The following ERCC6 variants were observed in gnomAD, a reference collection of about 807,000 sequenced individuals.
The protein encoded by ERCC6 is DNA excision repair protein ERCC-6.
In ERCC6, 116 loss-of-function variants were observed where a neutral mutation model predicts 158.7. The ratio of observed to expected loss-of-function variants is 0.73; its 90% CI spans 0.63 to 0.85. The LOEUF is 0.85. Ranked by LOEUF, ERCC6 falls within the 40% of genes least tolerant of loss-of-function variation. The pLI, the probability that ERCC6 is intolerant of heterozygous loss-of-function variation, is 0.00. For synonymous variants in ERCC6, 678 were observed against 659.3 expected (o/e 1.03, Z -0.43); for missense variants, 1,698 against 1,799.4 (o/e 0.94, Z 1.02).
In ERCC6 at chr10:49,455,112, T is replaced by A. The variant is rs1020511276; in HGVS notation, c.*3703A>T. Among the ~76,000 whole-genome samples, 6 of 152,262 alleles carry A rather than the reference T, an allele frequency of 3.9e-5. No homozygotes were observed. Among genetic ancestry groups the A allele is most frequent in the African/African-American group, 1.4e-4 (6 of 41,562 alleles). ...TGATAAACATCACAAAATAGATATG[T>A]GAATATGCTAATTCTCCATATTTTT... On this transcript the variant is annotated 3_prime_UTR_variant, in exon 21 of 21. Transcript: ENST00000355832.
intron 8 of ERCC6, 87 bp downstream of exon 8, chr10:49,493,030 T>G: frequency 5.8e-6 from 8 of 1,380,028 alleles, no homozygotes; most frequent in South Asian, 1.2e-5. Context: ...AATATACATT[T>G]GAGAAACACA....
At chr10:49,528,371 A>ATGAT in intron 4 of ERCC6, 46 bp downstream of exon 4, 1 of 1,601,640 alleles carries the variant, frequency 6.2e-7, no homozygotes, top group Non-Finnish European at 8.6e-7. Context: ...TACAGGCATC[A>ATGAT]GGCATCAATT....
At position 49,459,261 on chromosome 10, in the gene ERCC6, T is replaced by C. The variant is rs752925338; in HGVS notation, c.4063-27A>G. On this transcript the variant is annotated intron_variant, in intron 20 of 20. Coordinates refer to ENST00000355832, the MANE Select transcript of ERCC6 (RefSeq NM_000124.4). ...TATAAAAAGAAGACCACTATACTGA[T>C]ATATTTAATTTCTAGTTTATGCCCC... 1.1e-5 allele frequency: 18 copies of C among 1,610,536 alleles called. No homozygotes were observed. The Admixed American group carries it at 3.0e-4, about 27-fold the overall frequency.
chr10:49,516,786 ATTT>A, intron 5 of ERCC6: 2 of 1,614,098 alleles, frequency 1.2e-6, no homozygotes, highest in Non-Finnish European at 1.7e-6. Flanking sequence ...TTTGCAAAGA[ATTT>A]TTGTCATTTT....
intron 12 of ERCC6, among the ~76,000 whole-genome samples, chr10:49,475,865 C>G (rs1326098199): frequency 6.6e-6 from 1 of 152,144 alleles, no homozygotes; most frequent in Non-Finnish European, 1.5e-5. Flanking sequence ...ATATATAATT[C>G]TGGTCATAAT....
the ERCC6 span, among the ~76,000 whole-genome samples, chr10:49,444,709 A>G: frequency 1.3e-5 from 2 of 152,246 alleles, no homozygotes; most frequent in Non-Finnish European, 2.9e-5. Flanking sequence ...CAAGTAGTCT[A>G]TGAAATGTGC....
intron 12 of ERCC6, chr10:49,475,230 G>T (rs1486318484): frequency 6.6e-6 from 2 of 302,866 alleles, no homozygotes; most frequent in Non-Finnish European, 1.3e-5. Flanking sequence ...GAACAAAAAA[G>T]GAGTAAAATA....
At position 49,516,941 on chromosome 10, in the gene ERCC6, C is replaced by T. The variant is rs1399080278; in HGVS notation, c.1397+7092G>A. ...CTTGAATAAGATACGCAGCTGTGTG[C>T]AACAAAGAACCTGGCAGATTATTTA... is the stretch of plus-strand genomic sequence containing the variant. On this transcript the variant is annotated intron_variant, in intron 5 of 20. Coordinates refer to ENST00000355832, the MANE Select transcript of ERCC6 (RefSeq NM_000124.4). 2.7e-5 allele frequency: 44 copies of T among 1,613,928 alleles called. No individual in the cohort carries two copies. The East Asian group carries it at 9.4e-4, about 34-fold the overall frequency.
intron 1 of ERCC6, among the ~76,000 whole-genome samples, chr10:49,538,425 G>A (rs916776156): frequency 1.3e-5 from 2 of 152,206 alleles, no homozygotes; most frequent in Non-Finnish European, 2.9e-5. Flanking sequence ...TGGATTGGAG[G>A]AGACAAAGCA....
intron 4 of ERCC6, chr10:49,525,283 T>G (rs1036706433): frequency 6.3e-6 from 1 of 159,622 alleles, no homozygotes; most frequent in Non-Finnish European, 1.4e-5. Flanking sequence ...CAGTTACCAG[T>G]CACCTGCAGC....
chr10:49,524,537 G>GT lies in ERCC6; in HGVS notation c.892_893insA (p.Ala298AspfsTer14). The GT allele has an allele frequency of 6.2e-7, 1 of 1,614,230 alleles. No individual in the cohort carries two copies. The highest frequency in any genetic ancestry group is 8.5e-7 in the Non-Finnish European group (1 of 1,180,040). On this transcript the variant is annotated frameshift_variant, in exon 5 of 21. Coordinates refer to ENST00000355832, the MANE Select transcript of ERCC6 (RefSeq NM_000124.4). LOFTEE classifies it high-confidence loss of function. ...GGCTGGAGGCGTGACTGGGGCTGGA[G>GT]CTTTTCTAGCTGCTCTTTTATTACA... is the stretch of plus-strand genomic sequence containing the variant.
At chr10:49,535,015 T>C (rs983572176) in intron 1 of ERCC6, among the ~76,000 whole-genome samples, 2 of 152,136 alleles carry the variant, frequency 1.3e-5, no homozygotes, top group Admixed American at 1.3e-4. Context: ...GAACTATATA[T>C]GGTGTCTGGG....
At chr10:49,488,399 CCTTCAAG>C (rs1851113096) in intron 8 of ERCC6, 1 of 152,532 alleles carries the variant, frequency 6.6e-6, no homozygotes, top group Non-Finnish European at 1.5e-5. Flanking sequence ...ATTAAAATTT[CCTTCAAG>C]CTAAATCTTT....
the ERCC6 span, among the ~76,000 whole-genome samples, chr10:49,444,525 A>G: frequency 6.6e-6 from 1 of 152,250 alleles, no homozygotes; most frequent in African/African-American, 2.4e-5. Flanking sequence ...AGGACAGAGC[A>G]TTACGAAAGA....
chr10:49,499,415 A>G (rs1367406976), intron 7 of ERCC6, among the ~76,000 whole-genome samples: 1 of 152,230 alleles, frequency 6.6e-6, no homozygotes, highest in East Asian at 1.9e-4. Context: ...TTTATGGTTC[A>G]TATTTGGCTC....
rs1396047201 is a variant in ERCC6, at chr10:49,470,559, C to T, written c.3401G>A (p.Gly1134Glu). ...SGNGECSNSS[G>E]TGKTSMPSGD... is the part of the protein sequence containing the mutation. ...AGATGGCATAGAAGTTTTGCCTGTT[C>T]CTGAAGAATTTGAACATTCCCCATT... Residue 1134 changes from glycine (G) to glutamate (E), a missense_variant, in exon 18 of 21, where the codon GGA becomes GAA. By Grantham distance (98) the Gly-to-Glu change is moderately conservative (BLOSUM62 -2). Transcript: ENST00000355832. 1.2e-6 allele frequency: 2 copies of T among 1,614,136 alleles called. No individual in the cohort carries two copies. Among genetic ancestry groups the T allele is most frequent in the East Asian group, 2.2e-5 (1 of 44,882 alleles).
intron 8 of ERCC6, among the ~76,000 whole-genome samples, chr10:49,489,064 T>C (rs1199256887): frequency 2.0e-5 from 3 of 152,206 alleles, no homozygotes; most frequent in Non-Finnish European, 4.4e-5. Context: ...ATTATAGGCG[T>C]GAGCCACCGT....
intron 18 of ERCC6, among the ~76,000 whole-genome samples, chr10:49,469,876 T>C (rs1202930991): frequency 6.6e-6 from 1 of 152,216 alleles, no homozygotes. Flanking sequence ...TAATGTAGCA[T>C]ATAGCATGTA....
chr10:49,479,706 C>T (rs563864839), intron 10 of ERCC6, among the ~76,000 whole-genome samples: 1 of 152,298 alleles, frequency 6.6e-6, no homozygotes, highest in East Asian at 1.9e-4. Context: ...CACCCCCTTC[C>T]GCAGAAGAGC....
Sources: allele counts gnomAD v4.1 joint callset (sites outside exome capture counted in the v4.1 genomes callset), GRCh38; gene constraint gnomAD v4.1.1; transcripts MANE v1.5; gene names NCBI Gene and HGNC (gene_info 2026-07-23, HGNC 2026-07-21).